The following ZPBP variants were observed in gnomAD, a reference collection of about 807,000 sequenced individuals.
The protein encoded by ZPBP is zona pellucida-binding protein 1.
Under a neutral mutation model 44.8 loss-of-function variants are expected in ZPBP, and 26 were observed. That is an observed-to-expected ratio of 0.58 (90% CI 0.43 to 0.81). The LOEUF is 0.81. Among genes scored for constraint, ZPBP ranks in the 30% least tolerant of loss-of-function variants. The pLI is 0.00. For synonymous variants in ZPBP, 174 were observed against 153.2 expected (o/e 1.14, Z -1.00); for missense variants, 409 against 434.0 (o/e 0.94, Z 0.51).
At chr7:49,841,402 T>A in the ZPBP span, among the ~76,000 whole-genome samples, 2 of 152,176 alleles carry the variant, frequency 1.3e-5, no homozygotes, top group African/African-American at 2.4e-5. Flanking sequence ...AAGAAACAAT[T>A]TCATAGTGGA....
At chr7:49,902,284 TA>T (rs972782736) in intron 1 of ZPBP, among the ~76,000 whole-genome samples, 13 of 151,400 alleles carry the variant, frequency 8.6e-5, no homozygotes, top group African/African-American at 9.7e-5. Context: ...GCAAAAGACA[TA>T]AAAAAAACTG....
chr7:49,930,139 G>A (rs1271085614), intron 1 of ZPBP, among the ~76,000 whole-genome samples: 1 of 152,162 alleles, frequency 6.6e-6, no homozygotes, highest in Non-Finnish European at 1.5e-5. Context: ...CTGCAACCAT[G>A]AGGACAAAAG....
rs77870963 is a variant in ZPBP at position 50,034,195 on chromosome 7, T to A, written c.488-2885A>T. Among the ~76,000 whole-genome samples the A allele has an allele frequency of 2.0e-5, 3 of 151,558 alleles. No individual in the cohort carries two copies. In the East Asian group the frequency reaches 5.8e-4, roughly 29 times the overall value. ...TTTGTTTTTGAGGGTTTTTTTTTTT[T>A]AATTATCTAGGCTGAGTCTTGAATT... On this transcript the variant is annotated intron_variant, in intron 4 of 7. Transcript: ENST00000046087.
chr7:49,880,617 G>T (rs942794052), intron 2 of ZPBP, among the ~76,000 whole-genome samples: 1 of 150,552 alleles, frequency 6.6e-6, no homozygotes, highest in Non-Finnish European at 1.5e-5. Context: ...TATACTTTAA[G>T]TTCTAGGGTA....
intron 1 of ZPBP, among the ~76,000 whole-genome samples, chr7:49,903,971 G>A (rs1435731735): frequency 1.3e-5 from 2 of 152,128 alleles, no homozygotes; most frequent in Non-Finnish European, 2.9e-5. Flanking sequence ...GATCAGATGT[G>A]ACATTTACAT....
chr7:50,059,452 A>G (rs1483223910), intron 3 of ZPBP, among the ~76,000 whole-genome samples: 1 of 152,160 alleles, frequency 6.6e-6, no homozygotes, highest in East Asian at 1.9e-4. Flanking sequence ...TGTGATATGA[A>G]TTTAGAATAC....
At chr7:49,946,022 C>T (rs915020196) in intron 7 of ZPBP, among the ~76,000 whole-genome samples, 3 of 152,098 alleles carry the variant, frequency 2.0e-5, no homozygotes, top group Admixed American at 1.3e-4. Context: ...AATAATATCA[C>T]GTAACCTGTT....
intron 2 of ZPBP, among the ~76,000 whole-genome samples, chr7:49,898,959 A>G (rs1792552527): frequency 6.6e-6 from 1 of 152,146 alleles, no homozygotes; most frequent in South Asian, 2.1e-4. Flanking sequence ...AGTGCAACAA[A>G]TAGAAAATAG....
intron 6 of ZPBP, among the ~76,000 whole-genome samples, chr7:50,002,592 A>G (rs1798146443): frequency 6.6e-6 from 1 of 152,158 alleles, no homozygotes; most frequent in Admixed American, 6.5e-5. Flanking sequence ...AAAAAGAACT[A>G]CCCAGAAGGG....
intron 7 of ZPBP, among the ~76,000 whole-genome samples, chr7:49,961,894 A>G (rs1392439605): frequency 1.3e-5 from 2 of 152,066 alleles, no homozygotes; most frequent in Admixed American, 6.6e-5. Context: ...TTTTCTTTCA[A>G]TGGATGATAC....
chr7:49,998,446 GT>G (rs1470749282), intron 6 of ZPBP, among the ~76,000 whole-genome samples: 2 of 152,146 alleles, frequency 1.3e-5, no homozygotes, highest in African/African-American at 4.8e-5. Context: ...ATTTTGTCCA[GT>G]GACATTAGGA....
chr7:49,912,474 C>T (rs1030172317), intron 1 of ZPBP: 5 of 235,774 alleles, frequency 2.1e-5, no homozygotes, highest in Middle Eastern at 1.4e-3. Context: ...TTCTATAATC[C>T]CTCCATTAGA....
At chr7:49,987,188 T>C (rs1031113747) in intron 6 of ZPBP, among the ~76,000 whole-genome samples, 3 of 152,206 alleles carry the variant, frequency 2.0e-5, no homozygotes, top group Non-Finnish European at 1.5e-5. Flanking sequence ...ATATTGGTTG[T>C]TTGGCATGGA....
intron 2 of ZPBP, among the ~76,000 whole-genome samples, chr7:49,895,657 A>G (rs1268030915): frequency 6.6e-6 from 1 of 152,206 alleles, no homozygotes; most frequent in East Asian, 1.9e-4. Context: ...ATCAGTAATT[A>G]ATTATCAGCC....
chr7:49,865,694 A>ACACC (rs1175222055), intron 2 of ZPBP, among the ~76,000 whole-genome samples: 1 of 152,196 alleles, frequency 6.6e-6, no homozygotes, highest in Non-Finnish European at 1.5e-5. Flanking sequence ...AGTGAAAGTC[A>ACACC]CACCTAAGGG....
chr7:49,955,086 CA>C (rs1795518919), intron 7 of ZPBP, among the ~76,000 whole-genome samples: 1 of 150,524 alleles, frequency 6.6e-6, no homozygotes. Flanking sequence ...AGACCTGGGC[CA>C]AATAAAATTA....
chr7:49,906,683 G>T (rs1793114818), intron 1 of ZPBP, among the ~76,000 whole-genome samples: 1 of 152,152 alleles, frequency 6.6e-6, no homozygotes, highest in South Asian at 2.1e-4. Flanking sequence ...TTCTTACCAA[G>T]AATTATTATT....
chr7:49,937,553 A>G lies in ZPBP; in HGVS notation c.1031T>C (p.Val344Ala). The part of the protein sequence containing the change: ...IHCLQCNSSL[V>A]YGAKTCL ...TTATAAGCACGTTTTTGCTCCATAC[A>G]CCAGGCTGCTATTGCATTGAAGGCA... is the stretch of plus-strand genomic sequence containing the variant. Residue 344 changes from valine (V) to alanine (A), a missense_variant, in exon 8 of 8, where the codon GTG becomes GCG. Val to Ala is a moderately conservative substitution (Grantham distance 64). Transcript: ENST00000046087. 6.2e-7 allele frequency: 1 copy of G among 1,613,880 alleles called. No individual in the cohort carries two copies. The highest frequency in any genetic ancestry group is 8.5e-7 in the Non-Finnish European group (1 of 1,179,836).
At chr7:50,044,994 C>T (rs963861207) in intron 4 of ZPBP, among the ~76,000 whole-genome samples, 26 of 152,206 alleles carry the variant, frequency 1.7e-4, no homozygotes, top group African/African-American at 4.8e-4. Flanking sequence ...GCTGGTTCAA[C>T]ATACTCAAAT....
Sources: gnomAD v4.1 joint callset for allele counts (sites outside exome capture counted in the v4.1 genomes callset) on GRCh38, gnomAD v4.1.1 for gene constraint, MANE v1.5 for transcripts, NCBI Gene and HGNC (gene_info 2026-07-23, HGNC 2026-07-21) for gene names.